HERC2: variants seen among roughly 807,000 people sequenced by gnomAD.
HERC2 encodes the protein E3 ubiquitin-protein ligase HERC2.
HERC2 carries 102 observed loss-of-function variants against 537.7 expected under a neutral mutation model. That is an observed-to-expected ratio of 0.19 (90% CI 0.16 to 0.22). HERC2 has a LOEUF of 0.22. HERC2 is among the 10% of genes least tolerant of loss of function. The probability of loss-of-function intolerance (pLI) is 1.00; values close to 1 mark genes in which losing one functional copy is unlikely to be tolerated. For synonymous variants in HERC2, 2,224 were observed against 2,466.2 expected, an observed-to-expected ratio of 0.90 and a Z score of 2.91; for missense variants, 4,236 against 6,198.2, an observed-to-expected ratio of 0.68 and a Z score of 10.63.
Position 28,132,253 on chromosome 15 carries a change from C to T in HERC2, c.12417G>A (p.Ala4139=), listed in dbSNP as rs370326422. 7 of 1,607,296 alleles carry T rather than the reference C, an allele frequency of 4.4e-6. No individual in the cohort carries two copies. Among genetic ancestry groups the T allele is most frequent in the East Asian group, 2.2e-5 (1 of 44,654 alleles). ...TGTCAACCACACGGTGGCCCTGCAG[C>T]GCCTCCACCTTCAGAGAAAAGGGAC... ...EDQLKPKLVE[A]LQGHRVVDIA... The change falls in exon 81 of 93, where the codon GCG becomes GCA. Residue 4139 remains alanine (A), a synonymous_variant. Transcript: ENST00000261609.
Position 28,220,654 on chromosome 15 carries a change from C to T in HERC2, c.5653-10G>A, listed in dbSNP as rs779411562. Reference sequence around the variant, plus strand: ...CTGGAGGAGGCCCATCCTGAGAAAGCCAAAGTAGAGATCAGTTAGGAGGGT... The same window carrying T: ...CTGGAGGAGGCCCATCCTGAGAAAGTCAAAGTAGAGATCAGTTAGGAGGGT... On this transcript the variant is annotated splice_polypyrimidine_tract_variant and intron_variant, in intron 36 of 92. Transcript: ENST00000261609. 1.9e-6 allele frequency: 3 copies of T among 1,603,112 alleles called. No homozygotes were observed.
chr15:28,156,698 C>T (rs919477300), intron 69 of HERC2, among the ~76,000 whole-genome samples: 30 of 152,206 alleles, frequency 2.0e-4, no homozygotes, highest in Non-Finnish European at 3.5e-4. Context: ...CATCTGCAAA[C>T]AGGGACAATT....
intron 68 of HERC2, among the ~76,000 whole-genome samples, chr15:28,164,014 G>C (rs577013516): frequency 6.6e-6 from 1 of 152,178 alleles, no homozygotes; most frequent in Admixed American, 6.5e-5. Context: ...CCTCCTGGAG[G>C]GCAGCACTGG....
chr15:28,321,645 G>A (rs569373359), intron 1 of HERC2, among the ~76,000 whole-genome samples, 181 bp from the exon 2 acceptor site: 3,949 of 117,628 alleles, frequency 0.034, 318 homozygotes, highest in African/African-American at 0.12. Flanking sequence ...AGGTGGGGAA[G>A]GGAAAGCCTC....
At chr15:28,195,517 G>A (rs778763891) in intron 52 of HERC2, among the ~76,000 whole-genome samples, 2 of 152,188 alleles carry the variant, frequency 1.3e-5, no homozygotes, top group Non-Finnish European at 2.9e-5. Context: ...CATTAAAAAG[G>A]ATGACGTTCT....
intron 71 of HERC2, among the ~76,000 whole-genome samples, chr15:28,145,289 A>G (rs1891620921): frequency 6.6e-6 from 1 of 152,256 alleles, no homozygotes; most frequent in African/African-American, 2.4e-5. Context: ...TCGAGGGAGC[A>G]GAGGGCCTGG....
At chr15:28,160,269 G>A (rs1440377147) in intron 69 of HERC2, among the ~76,000 whole-genome samples, 2 of 152,186 alleles carry the variant, frequency 1.3e-5, no homozygotes, top group African/African-American at 4.8e-5. Flanking sequence ...CTGTCAGACA[G>A]GGACATTTAA....
rs966439848 is a variant in HERC2 at position 28,132,127 on chromosome 15, G to C, written c.12543C>G (p.Gly4181=). The C allele has an allele frequency of 1.2e-6, 2 of 1,611,430 alleles. No homozygotes were observed. Among genetic ancestry groups the C allele is most frequent in the African/African-American group, 2.7e-5 (2 of 74,852 alleles). ...DGDYGKLGRG[G]SDGCKVPMKI... is the part of the protein sequence containing the mutation. The stretch of plus-strand genomic sequence containing the variant: ...TCATAGGCACTTTACAGCCATCGCT[G>C]CCTCCCCGGCCGAGCTTGCCGTAGT... The change falls in exon 81 of 93, where the codon GGC becomes GGG. Residue 4181 remains glycine (G), a synonymous_variant. Transcript: ENST00000261609.
At chr15:28,303,167 G>A (rs1307771620) in intron 2 of HERC2, among the ~76,000 whole-genome samples, 2 of 152,126 alleles carry the variant, frequency 1.3e-5, no homozygotes, top group Admixed American at 6.6e-5. Context: ...ACTCCATTTT[G>A]ATGTGATTTT....
chr15:28,309,290 GC>G (rs1326544656), intron 2 of HERC2, among the ~76,000 whole-genome samples: 55 of 152,266 alleles, frequency 3.6e-4, no homozygotes, highest in African/African-American at 1.2e-3. Context: ...ATGTGTTAAG[GC>G]CTATCTCTCT....
chr15:28,155,017 T>C (rs892959093), intron 69 of HERC2, among the ~76,000 whole-genome samples: 10 of 150,916 alleles, frequency 6.6e-5, no homozygotes, highest in African/African-American at 1.5e-4. Context: ...CATGCAGTGT[T>C]TGGTTTTTTT....
intron 40 of HERC2, 73 bp from the exon 41 acceptor site, chr15:28,214,345 A>C (rs1899623548): frequency 7.6e-6 from 10 of 1,313,680 alleles, no homozygotes; most frequent in Admixed American, 1.7e-5. Flanking sequence ...ACGGCTACCC[A>C]CCTCTAAGTG....
In HERC2 at chr15:28,202,302, C is replaced by T. The variant is rs751255580; in HGVS notation, c.7480+45G>A. The T allele has an allele frequency of 6.8e-6, 11 of 1,612,778 alleles. 1 individual carries two copies. Among genetic ancestry groups the T allele is most frequent in the South Asian group, 3.3e-5 (3 of 91,046 alleles). On this transcript the variant is annotated intron_variant, in intron 46 of 92. Coordinates refer to ENST00000261609, the MANE Select transcript of HERC2 (RefSeq NM_004667.6). ...CCACTGTGAGTCAACAGCCCTGAAG[C>T]GGGAACCCACACATACACAAGCAGA...
Position 28,246,830 on chromosome 15 carries a change from T to G in HERC2, c.3303A>C (p.Gly1101=). The change falls in exon 22 of 93, where the codon GGA becomes GGC. Residue 1101 remains glycine, a synonymous_variant. Coordinates refer to ENST00000261609, the MANE Select transcript of HERC2 (RefSeq NM_004667.6). The stretch of plus-strand genomic sequence containing the variant: ...TGCTGGCGGCCACAGGCAGTATATC[T>G]CCAATGTGCGTGCACAGGAGGGCTG... ...KYTALLCTHI[G]DILPVAASIA... 1 of 1,611,814 alleles carries G rather than the reference T, an allele frequency of 6.2e-7. No homozygotes were observed. The highest frequency in any genetic ancestry group is 8.5e-7 in the Non-Finnish European group (1 of 1,179,156).
At chr15:28,306,387 C>T (rs3094834) in intron 2 of HERC2, among the ~76,000 whole-genome samples, 242 of 152,288 alleles carry the variant, frequency 1.6e-3, no homozygotes, top group African/African-American at 4.7e-3. Flanking sequence ...GATTTGGATA[C>T]GGTGAACCAT....
At chr15:28,269,678 C>T (rs1390309709) in intron 10 of HERC2, among the ~76,000 whole-genome samples, 1 of 152,194 alleles carries the variant, frequency 6.6e-6, no homozygotes, top group South Asian at 2.1e-4. Context: ...TTAAAAAGTA[C>T]TATAAATGGC....
Position 28,178,909 on chromosome 15 carries a change from G to C in HERC2, c.9141C>G (p.Val3047=), listed in dbSNP as rs760645443. 3.7e-6 allele frequency: 6 copies of C among 1,613,920 alleles called. No homozygotes were observed. In the Admixed American group the frequency reaches 1.0e-4, roughly 27 times the overall value. ...TACCTGAGTGAACAGCCACCTTCTT[G>C]ACCACGTAGCTGCTGAGAGCTGTGA... The part of the protein sequence containing the change: ...RQITALSSYV[V]KKVAVHSGGR... The change falls in exon 59 of 93, where the codon GTC becomes GTG. Residue 3047 remains valine (V), a synonymous_variant. Transcript: ENST00000261609.
At chr15:28,239,449 G>C (rs1902821619) in intron 23 of HERC2, among the ~76,000 whole-genome samples, 1 of 150,900 alleles carries the variant, frequency 6.6e-6, no homozygotes, top group South Asian at 2.1e-4. Context: ...GGAGGTGGCA[G>C]TTCAAGAAGT....
At chr15:28,228,089 C>T (rs1047440233) in intron 35 of HERC2, 129 bp downstream of exon 35, 21 of 790,902 alleles carry the variant, frequency 2.7e-5, no homozygotes, top group East Asian at 1.3e-4. Flanking sequence ...TAAAATGGTA[C>T]ACTTCCTATT....
Sources: allele counts gnomAD v4.1 joint callset (sites outside exome capture counted in the v4.1 genomes callset), GRCh38; gene constraint gnomAD v4.1.1; transcripts MANE v1.5; gene names NCBI Gene and HGNC (gene_info 2026-07-23, HGNC 2026-07-21).